The following FRMD3 variants were observed in gnomAD, a reference collection of about 807,000 sequenced individuals.
FRMD3 encodes the protein FERM domain containing 3.
In FRMD3, 33 loss-of-function variants were observed where a neutral mutation model predicts 70.2. The ratio of observed to expected loss-of-function variants is 0.47; its 90% CI spans 0.36 to 0.63. The LOEUF (loss-of-function observed/expected upper bound fraction) is 0.63. FRMD3 is among the 20% of genes least tolerant of loss of function. The pLI is 0.00. For synonymous variants in FRMD3, 279 were observed against 255.9 expected, an observed-to-expected ratio of 1.09 and a Z score of -0.86; for missense variants, 632 against 711.4, an observed-to-expected ratio of 0.89 and a Z score of 1.27.
chr9:83,492,409 A>G (rs975405539), intron 1 of FRMD3, among the ~76,000 whole-genome samples: 4 of 152,054 alleles, frequency 2.6e-5, no homozygotes, highest in African/African-American at 9.7e-5. Context: ...AGTTTGGGGA[A>G]TTTTTTTTAC....
intron 3 of FRMD3, among the ~76,000 whole-genome samples, chr9:83,364,151 A>T (rs10119054): frequency 0.6 from 91,245 of 152,088 alleles, 28,149 homozygotes; most frequent in African/African-American, 0.67. Context: ...TGTAGCATCA[A>T]ACATAATACA....
rs918746299 is a variant in FRMD3, at chr9:83,245,673, T to A, written c.*2245A>T. ...ATAATTTAAAAAATATTATATAATA[T>A]TATTTTGAAAGACTGAGGGCCAGAT... is the stretch of plus-strand genomic sequence containing the variant. On this transcript the variant is annotated 3_prime_UTR_variant, in exon 14 of 14. Transcript: ENST00000304195. 1.1e-6 allele frequency: 1 copy of A among 896,108 alleles called. No homozygotes were observed. The highest frequency in any genetic ancestry group is 1.8e-5 in the African/African-American group (1 of 55,398). 55.5% of individuals were successfully genotyped at this position (896,108 alleles called of 1,614,324 possible). A position where few individuals can be genotyped will look rare whatever the true frequency, so the allele number is the denominator to read the frequency against.
downstream of FRMD3, chr9:83,244,608 A>ATGAT (rs576664190): frequency 8.7e-5 from 83 of 948,742 alleles, no homozygotes; most frequent in South Asian, 2.5e-3. Context: ...ATAAAACTGA[A>ATGAT]TGATTGCAAA....
At chr9:83,448,667 A>G (rs1827551625) in intron 1 of FRMD3, among the ~76,000 whole-genome samples, 1 of 152,074 alleles carries the variant, frequency 6.6e-6, no homozygotes. Flanking sequence ...CCCTAAGACC[A>G]CAGAGCGGGA....
intron 10 of FRMD3, among the ~76,000 whole-genome samples, chr9:83,302,508 C>A (rs1169284895): frequency 6.6e-6 from 1 of 152,128 alleles, no homozygotes; most frequent in Non-Finnish European, 1.5e-5. Flanking sequence ...CATAATATTT[C>A]ATAGTACTCT....
chr9:83,513,966 T>C (rs1467032206), intron 1 of FRMD3, among the ~76,000 whole-genome samples: 1 of 152,178 alleles, frequency 6.6e-6, no homozygotes, highest in Non-Finnish European at 1.5e-5. Flanking sequence ...CTTCACAACC[T>C]GCAGACCAGG....
intron 13 of FRMD3, among the ~76,000 whole-genome samples, chr9:83,263,444 A>G (rs1159528454): frequency 1.2e-4 from 5 of 41,146 alleles, no homozygotes; most frequent in Non-Finnish European, 3.3e-4. Flanking sequence ...GACTTGAAAT[A>G]TCTACTAGAG....
intron 1 of FRMD3, among the ~76,000 whole-genome samples, chr9:83,498,588 T>A (rs1055651502): frequency 1.3e-5 from 2 of 152,248 alleles, no homozygotes; most frequent in African/African-American, 4.8e-5. Flanking sequence ...TCAGTCATAC[T>A]AGCTGTATTT....
chr9:83,401,152 A>G (rs984798187), intron 1 of FRMD3, among the ~76,000 whole-genome samples: 2 of 152,222 alleles, frequency 1.3e-5, no homozygotes, highest in African/African-American at 4.8e-5. Context: ...CGTAAGCCCC[A>G]GGAGCTAATT....
At chr9:83,334,283 T>C (rs546701679) in intron 6 of FRMD3, among the ~76,000 whole-genome samples, 1 of 152,228 alleles carries the variant, frequency 6.6e-6, no homozygotes, top group African/African-American at 2.4e-5. Context: ...ATTACCCACA[T>C]AGATGGCCTG....
At chr9:83,357,097 T>G (rs574885215) in intron 3 of FRMD3, among the ~76,000 whole-genome samples, 1 of 138,922 alleles carries the variant, frequency 7.2e-6, no homozygotes, top group East Asian at 2.0e-4. Flanking sequence ...GGTGTATATA[T>G]ATATCTATCC....
intron 2 of FRMD3, among the ~76,000 whole-genome samples, chr9:83,375,255 A>G (rs1652570432): frequency 6.6e-6 from 1 of 152,228 alleles, no homozygotes; most frequent in African/African-American, 2.4e-5. Context: ...GGCATGCCTG[A>G]AAGGTATTTG....
intron 2 of FRMD3, among the ~76,000 whole-genome samples, chr9:83,378,502 TTA>T (rs1208787637): frequency 1.4e-5 from 1 of 71,086 alleles, no homozygotes; most frequent in African/African-American, 5.8e-5. Context: ...CATATAAAAT[TTA>T]TATATATAAT....
At chr9:83,479,525 G>T (rs982015418) in intron 1 of FRMD3, among the ~76,000 whole-genome samples, 5 of 147,654 alleles carry the variant, frequency 3.4e-5, no homozygotes, top group Non-Finnish European at 7.5e-5. Context: ...TAACTTGGGA[G>T]GCTGAGGCAG....
intron 4 of FRMD3, among the ~76,000 whole-genome samples, chr9:83,347,248 C>T (rs191811698): frequency 1.7e-4 from 26 of 152,274 alleles, no homozygotes; most frequent in South Asian, 6.2e-4. Flanking sequence ...ACTGTGGATT[C>T]AACATAATCC....
At chr9:83,444,820 C>T (rs563459448) in intron 1 of FRMD3, among the ~76,000 whole-genome samples, 10 of 152,284 alleles carry the variant, frequency 6.6e-5, no homozygotes, top group East Asian at 3.9e-4. Flanking sequence ...TTGTCTTCCA[C>T]GGGAACTGAT....
intron 1 of FRMD3, among the ~76,000 whole-genome samples, chr9:83,464,597 GATC>G (rs1228620358): frequency 6.6e-6 from 1 of 152,208 alleles, no homozygotes; most frequent in Admixed American, 6.5e-5. Context: ...CGAAACCCAT[GATC>G]AGTGTCAGAG....
At chr9:83,309,259 TAC>T (rs3029557) in intron 10 of FRMD3, among the ~76,000 whole-genome samples, 14,112 of 138,044 alleles carry the variant, frequency 0.1, 641 homozygotes, top group African/African-American at 0.12. Context: ...CTATTTGAAA[TAC>T]ACACACACAC....
intron 1 of FRMD3, among the ~76,000 whole-genome samples, chr9:83,456,873 G>A (rs951925599): frequency 1.3e-5 from 2 of 152,040 alleles, no homozygotes; most frequent in African/African-American, 2.4e-5. Flanking sequence ...CCAGCTACTC[G>A]AGAGGCTGAG....
Sources: allele counts gnomAD v4.1 joint callset (sites outside exome capture counted in the v4.1 genomes callset), GRCh38; gene constraint gnomAD v4.1.1; transcripts MANE v1.5; gene names NCBI Gene and HGNC (gene_info 2026-07-23, HGNC 2026-07-21).